The following RIN2 variants were observed in gnomAD, a reference collection of about 807,000 sequenced individuals.
RIN2 encodes Ras and Rab interactor 2, also known as RAB5 interacting protein 2.
RIN2 carries 36 observed loss-of-function variants against 78.0 expected under a neutral mutation model. That is an observed-to-expected ratio of 0.46 (90% confidence interval 0.35 to 0.61). The LOEUF (loss-of-function observed/expected upper bound fraction) is 0.61. Among genes scored for constraint, RIN2 ranks in the 20% least tolerant of loss-of-function variants. The pLI is 0.00. For missense variants in RIN2, 1,087 were observed against 1,159.7 expected (o/e 0.94, Z 0.91); for synonymous variants, 466 against 466.8 (o/e 1.00, Z 0.02).
At chr20:19,886,527 G>T in intron 2 of RIN2, 1 of 583,014 alleles carries the variant, frequency 1.7e-6, no homozygotes, top group Non-Finnish European at 3.1e-6. Context: ...CATTCTTTCA[G>T]TGGTGTTGTT....
intron 3 of RIN2, among the ~76,000 whole-genome samples, chr20:19,893,033 A>G (rs868581605): frequency 3.3e-5 from 5 of 152,248 alleles, no homozygotes; most frequent in Non-Finnish European, 5.9e-5. Context: ...GCAAATAAAG[A>G]TATTAATCAA....
intron 2 of RIN2, among the ~76,000 whole-genome samples, chr20:19,801,659 T>G (rs2122716647): frequency 6.6e-6 from 1 of 152,308 alleles, no homozygotes; most frequent in East Asian, 1.9e-4. Context: ...CTATCCCTAG[T>G]TTTATTTCGG....
At chr20:19,819,574 C>T (rs749316352) in intron 2 of RIN2, among the ~76,000 whole-genome samples, 8 of 152,208 alleles carry the variant, frequency 5.3e-5, no homozygotes, top group South Asian at 2.1e-4. Context: ...GACAAGGTCT[C>T]ACCGAGGCTA....
At chr20:19,773,111 C>T (rs904794490) in intron 1 of RIN2, among the ~76,000 whole-genome samples, 12 of 152,280 alleles carry the variant, frequency 7.9e-5, no homozygotes, top group African/African-American at 2.9e-4. Context: ...CCAGGCCTCC[C>T]GGCTTCTGGA....
At chr20:19,817,419 A>G (rs1007499604) in intron 2 of RIN2, among the ~76,000 whole-genome samples, 2 of 152,138 alleles carry the variant, frequency 1.3e-5, no homozygotes, top group Non-Finnish European at 2.9e-5. Flanking sequence ...AATCCCATTC[A>G]TGAGAGCTTC....
intron 3 of RIN2, among the ~76,000 whole-genome samples, chr20:19,931,267 A>T (rs16981323): frequency 6.6e-6 from 1 of 152,030 alleles, no homozygotes; most frequent in South Asian, 2.1e-4. Flanking sequence ...TTTTGCATGC[A>T]TTTATAATTT....
At chr20:19,770,715 C>T (rs563893324) in intron 1 of RIN2, among the ~76,000 whole-genome samples, 52 of 152,222 alleles carry the variant, frequency 3.4e-4, no homozygotes, top group African/African-American at 1.2e-3. Context: ...AAAACAAAAA[C>T]GTGTTTTTCC....
intron 2 of RIN2, among the ~76,000 whole-genome samples, chr20:19,826,962 C>T (rs1397055262): frequency 4.4e-5 from 6 of 137,686 alleles, no homozygotes; most frequent in African/African-American, 8.4e-5. Context: ...TTTTTCTATT[C>T]GTTTGGTTTT....
intron 9 of RIN2, among the ~76,000 whole-genome samples, chr20:19,979,524 C>T (rs562460522): frequency 7.9e-5 from 12 of 152,076 alleles, no homozygotes; most frequent in East Asian, 3.9e-4. Flanking sequence ...GGTTAGACAC[C>T]GGAGAGTATA....
chr20:19,936,421 C>CTT (rs2308226), intron 4 of RIN2, among the ~76,000 whole-genome samples: 116,744 of 151,968 alleles, frequency 0.77, 47,057 homozygotes, highest in Non-Finnish European at 0.91. Flanking sequence ...GGGAATTTCT[C>CTT]TATCCTGTGC....
intron 1 of RIN2, among the ~76,000 whole-genome samples, chr20:19,769,030 G>A (rs181149244): frequency 4.0e-5 from 6 of 149,630 alleles, no homozygotes; most frequent in East Asian, 2.0e-4. Flanking sequence ...CAAGTGATTC[G>A]CCTGCCTCAG....
At chr20:19,890,694 A>AAC (rs987085868) in intron 3 of RIN2, among the ~76,000 whole-genome samples, 3 of 148,752 alleles carry the variant, frequency 2.0e-5, no homozygotes, top group Non-Finnish European at 4.4e-5. Context: ...AAAAAAAAAA[A>AAC]AAAAAAAAAC....
chr20:19,973,308 A>G (rs753350057), intron 8 of RIN2, among the ~76,000 whole-genome samples: 55 of 152,312 alleles, frequency 3.6e-4, no homozygotes, highest in Admixed American at 1.2e-3. Context: ...CTTGTTGGAC[A>G]GTGCGGGAGT....
rs1174947432 is a variant in RIN2 at position 19,837,439 on chromosome 20, CTTG to C, written c.-37+37697_-37+37699del. Among the ~76,000 whole-genome samples the C allele has an allele frequency of 7.9e-5, 12 of 152,312 alleles. No individual in the cohort carries two copies. In the East Asian group the frequency reaches 1.7e-3, roughly 22 times the overall value. ...TAATTTCACAAATGAGAAATAGTCT[CTTG>C]TTGTCAGTTTAATTTGCGTTTTTGT... On this transcript the variant is annotated intron_variant, in intron 2 of 12. Coordinates refer to ENST00000255006, the MANE Select transcript of RIN2 (RefSeq NM_018993.4).
rs148300722 is a variant in RIN2, at chr20:19,769,161, A to T, written c.-163+10834A>T. 4.8e-3 allele frequency among the ~76,000 whole-genome samples: 737 copies of T among 152,178 alleles called. 1 individual carries two copies. The highest frequency in any genetic ancestry group is 0.01 in the Admixed American group (155 of 15,288). ...GGTCTTGAACTCCTGACCTCAGGTGATCCACGCGCCTTGGCCACGCGCCTT... is the reference window on the plus strand; with the variant it reads ...GGTCTTGAACTCCTGACCTCAGGTGTTCCACGCGCCTTGGCCACGCGCCTT... On this transcript the variant is annotated intron_variant, in intron 1 of 12. Coordinates refer to ENST00000255006, the MANE Select transcript of RIN2 (RefSeq NM_018993.4).
chr20:19,906,223 G>A (rs2039213437), intron 3 of RIN2, among the ~76,000 whole-genome samples: 1 of 152,202 alleles, frequency 6.6e-6, no homozygotes, highest in Non-Finnish European at 1.5e-5. Context: ...GCTGAAGTGG[G>A]AGGATTGCAC....
chr20:19,807,782 C>G (rs897013927), intron 2 of RIN2, among the ~76,000 whole-genome samples: 1 of 152,172 alleles, frequency 6.6e-6, no homozygotes, highest in Admixed American at 6.5e-5. Flanking sequence ...GCAAAAATGC[C>G]TTTTCTGTGC....
intron 2 of RIN2, among the ~76,000 whole-genome samples, chr20:19,852,413 A>C (rs536694561): frequency 6.6e-6 from 1 of 152,212 alleles, no homozygotes; most frequent in Non-Finnish European, 1.5e-5. Flanking sequence ...CAGACTAGAA[A>C]GCTCCTGTCA....
chr20:19,832,063 G>A (rs911737129), intron 2 of RIN2, among the ~76,000 whole-genome samples: 3 of 151,914 alleles, frequency 2.0e-5, no homozygotes, highest in East Asian at 3.9e-4. Flanking sequence ...CATTTCATCC[G>A]TACACTGTGT....
Sources: allele counts gnomAD v4.1 joint callset (sites outside exome capture counted in the v4.1 genomes callset), GRCh38; gene constraint gnomAD v4.1.1; transcripts MANE v1.5; gene names NCBI Gene and HGNC (gene_info 2026-07-23, HGNC 2026-07-21).